The following ACTN1 variants were observed in gnomAD, a reference collection of about 807,000 sequenced individuals.
The protein encoded by ACTN1 is actinin alpha 1.
In ACTN1, 30 loss-of-function variants were observed where a neutral mutation model predicts 119.6. That is an observed-to-expected ratio of 0.25 (90% CI 0.19 to 0.34). ACTN1 has a LOEUF of 0.34. Ranked by LOEUF, ACTN1 falls within the 10% of genes least tolerant of loss-of-function variation. ACTN1 has a pLI of 1.00. For missense variants in ACTN1, 764 were observed against 1,223.4 expected (o/e 0.62, Z 5.60); for synonymous variants, 429 against 472.6 (o/e 0.91, Z 1.20).
chr14:68,978,351 T>A, intron 1 of ACTN1: 1 of 384,446 alleles, frequency 2.6e-6, no homozygotes, highest in Non-Finnish European at 5.2e-6. Context: ...GGAGCCCGCG[T>A]ACGCCCCCCA....
At chr14:68,932,390 T>C (rs1039960781) in intron 1 of ACTN1, among the ~76,000 whole-genome samples, 12 of 151,978 alleles carry the variant, frequency 7.9e-5, no homozygotes, top group Non-Finnish European at 1.6e-4. Flanking sequence ...AGCTTGCAGA[T>C]GGCCTACTGT....
At position 68,879,949 on chromosome 14, in the gene ACTN1, A is replaced by C. The variant is rs1464033169; in HGVS notation, c.2280+13T>G. 2 of 1,613,648 alleles carry C rather than the reference A, an allele frequency of 1.2e-6. No individual in the cohort carries two copies. The highest frequency in any genetic ancestry group is 1.7e-6 in the Non-Finnish European group (2 of 1,179,620). On this transcript the variant is annotated intron_variant, in intron 18 of 21. Transcript: ENST00000394419. This position sits in a 1 kb window ranked among gnomAD's most constrained non-coding sequence, Gnocchi z 4.9. ...GGGGGCTGCACTAAGAAAGCACAGG[A>C]TGGGGCTCTCACCCGGTCAAAGTGG...
intron 7 of ACTN1, among the ~76,000 whole-genome samples, chr14:68,903,952 T>C (rs1404984024): frequency 1.3e-5 from 2 of 152,012 alleles, no homozygotes; most frequent in Non-Finnish European, 2.9e-5. Flanking sequence ...CCTGAACCTG[T>C]CCCCATCCAG....
Position 68,880,796 on chromosome 14 carries a change from C to G in ACTN1, c.2133+14G>C. 1.2e-6 allele frequency: 2 copies of G among 1,612,812 alleles called. No individual in the cohort carries two copies. The highest frequency in any genetic ancestry group is 1.7e-6 in the Non-Finnish European group (2 of 1,179,086). ...CACGGGCTCCCGAAGAGGAACAAGG[C>G]CAGCCCCACCCACCTCCATGGTGTA... On this transcript the variant is annotated intron_variant, in intron 17 of 21. Coordinates refer to ENST00000394419, the MANE Select transcript of ACTN1 (RefSeq NM_001130004.2). This position sits in a 1 kb window ranked among gnomAD's most constrained non-coding sequence, Gnocchi z 4.6.
chr14:68,883,948 G>C (rs1342814695), intron 14 of ACTN1, among the ~76,000 whole-genome samples: 1 of 152,226 alleles, frequency 6.6e-6, no homozygotes, highest in African/African-American at 2.4e-5. Flanking sequence ...GGAGGATAAG[G>C]AGTCAGAGGG....
intron 11 of ACTN1, among the ~76,000 whole-genome samples, chr14:68,889,491 A>T (rs547875972): frequency 7.2e-5 from 11 of 152,256 alleles, no homozygotes; most frequent in African/African-American, 2.7e-4. Context: ...TGCAGACATA[A>T]TTCCTTAAGA....
chr14:68,902,349 G>T, intron 8 of ACTN1, 128 bp downstream of exon 8: 1 of 776,508 alleles, frequency 1.3e-6, no homozygotes, highest in South Asian at 1.5e-5. Context: ...ACTAGGGACT[G>T]CCTCTGTCCG....
intron 3 of ACTN1, among the ~76,000 whole-genome samples, chr14:68,912,546 T>C (rs139956744): frequency 1.3e-3 from 192 of 152,134 alleles, no homozygotes; most frequent in African/African-American, 4.2e-3. Flanking sequence ...CCGGCTAATT[T>C]TTTCATTTTT....
At chr14:68,904,851 A>T (rs2033570467) in intron 6 of ACTN1, 115 bp from the exon 7 acceptor site, 1 of 791,092 alleles carries the variant, frequency 1.3e-6, no homozygotes, top group African/African-American at 1.7e-5. Flanking sequence ...TCCCAGCCCC[A>T]GCTCGATCCT....
At chr14:68,902,124 A>G (rs956523319) in intron 8 of ACTN1, among the ~76,000 whole-genome samples, 1 of 152,226 alleles carries the variant, frequency 6.6e-6, no homozygotes, top group Non-Finnish European at 1.5e-5. Context: ...AGTGGCTTCA[A>G]CAGACGTGGG....
intron 1 of ACTN1, among the ~76,000 whole-genome samples, chr14:68,969,990 C>T (rs910131969): frequency 1.3e-5 from 2 of 152,122 alleles, no homozygotes; most frequent in African/African-American, 4.8e-5. Flanking sequence ...AAATAGAGCT[C>T]AGATGCTGTC....
rs58500225 is a variant in ACTN1 at position 68,881,955 on chromosome 14, T to TTTTTTTTTTTTTTTTTTTGA, written c.1953+502_1953+503insTCAAAAAAAAAAAAAAAAAA. 1.1e-3 allele frequency among the ~76,000 whole-genome samples: 117 copies of TTTTTTTTTTTTTTTTTTTGA among 102,956 alleles called. 19 individuals are homozygous for TTTTTTTTTTTTTTTTTTTGA. Among genetic ancestry groups the TTTTTTTTTTTTTTTTTTTGA allele is most frequent in the African/African-American group, 4.2e-3 (97 of 22,890 alleles). 67.5% of individuals were successfully genotyped at this position (102,956 alleles called of 152,430 possible). ...CAGCTTCTTTTTTTTTTTTTTTTTT[T>TTTTTTTTTTTTTTTTTTTGA]GACAGAGTCTTGCTCTGTTGCCCAA... On this transcript the variant is annotated intron_variant, in intron 16 of 21. Coordinates refer to ENST00000394419, the MANE Select transcript of ACTN1 (RefSeq NM_001130004.2).
intron 8 of ACTN1, among the ~76,000 whole-genome samples, chr14:68,898,970 CCA>C (rs1418103282): frequency 6.7e-6 from 1 of 149,316 alleles, no homozygotes; most frequent in Non-Finnish European, 1.5e-5. Context: ...CACACACACA[CCA>C]CACACGCCAC....
At chr14:68,973,794 C>T (rs1190952577) in intron 1 of ACTN1, 3 of 152,158 alleles carry the variant, frequency 2.0e-5, no homozygotes, top group Admixed American at 6.6e-5. Flanking sequence ...GCCAGAACCC[C>T]GGGCTAAATT....
At chr14:68,891,207 A>G (rs1042592841) in intron 10 of ACTN1, among the ~76,000 whole-genome samples, 4 of 152,050 alleles carry the variant, frequency 2.6e-5, no homozygotes, top group African/African-American at 7.2e-5. Context: ...CTTTTCACTT[A>G]AGGACAAAAA....
intron 4 of ACTN1, among the ~76,000 whole-genome samples, chr14:68,910,420 C>CA (rs1186122163): frequency 6.6e-6 from 1 of 152,116 alleles, no homozygotes; most frequent in Non-Finnish European, 1.5e-5. Context: ...TAGGGGTCTC[C>CA]AGACAGGGGA....
At chr14:68,891,125 G>A (rs539762883) in intron 10 of ACTN1, among the ~76,000 whole-genome samples, 10 of 152,256 alleles carry the variant, frequency 6.6e-5, no homozygotes, top group East Asian at 3.9e-4. Flanking sequence ...CTGGGCTGCC[G>A]TCTCCCCACG....
rs151200919 is a variant in ACTN1 at position 68,878,031 on chromosome 14, G to T, written c.2427+427C>A. Reference sequence around the variant, plus strand: ...TAGGAAGGTTGGGGGGTGGGGGACGGCCTGGGACAATCCAGAGGGGCGGCA... The same window carrying T: ...TAGGAAGGTTGGGGGGTGGGGGACGTCCTGGGACAATCCAGAGGGGCGGCA... On this transcript the variant is annotated intron_variant, in intron 20 of 21. Transcript: ENST00000394419. This position sits in a 1 kb window ranked among gnomAD's most constrained non-coding sequence, Gnocchi z 4.4. 1,398 of 180,792 alleles carry T rather than the reference G, an allele frequency of 7.7e-3. 18 individuals carry two copies. Among genetic ancestry groups the T allele is most frequent in the African/African-American group, 0.031 (1,328 of 42,212 alleles). The allele number at this position is 180,792 out of a possible 1,614,324, so 11.2% of individuals were successfully genotyped here.
chr14:68,969,134 C>T (rs2036797613), intron 1 of ACTN1, among the ~76,000 whole-genome samples: 1 of 152,104 alleles, frequency 6.6e-6, no homozygotes, highest in Admixed American at 6.5e-5. Context: ...AGAAACTATA[C>T]ACAATGAACC....
Sources: allele counts gnomAD v4.1 joint callset (sites outside exome capture counted in the v4.1 genomes callset), GRCh38; gene constraint gnomAD v4.1.1; non-coding constraint Gnocchi (gnomAD v3.1); transcripts MANE v1.5; gene names NCBI Gene and HGNC (gene_info 2026-07-23, HGNC 2026-07-21).